SPPL2B: variants seen among roughly 807,000 people sequenced by gnomAD.
The protein encoded by SPPL2B is signal peptide peptidase-like 2B.
A neutral mutation model predicts 59.7 loss-of-function variants in SPPL2B; 39 were observed. The ratio of observed to expected loss-of-function variants is 0.65; its 90% CI spans 0.51 to 0.85. SPPL2B has a LOEUF of 0.85. Ranked by LOEUF, SPPL2B falls within the 40% of genes least tolerant of loss-of-function variation. The pLI, the probability that SPPL2B is intolerant of heterozygous loss-of-function variation, is 0.00. For missense variants in SPPL2B, 865 were observed against 849.0 expected, an observed-to-expected ratio of 1.02 and a Z score of -0.23; for synonymous variants, 419 against 370.8, an observed-to-expected ratio of 1.13 and a Z score of -1.49.
chr19:2,353,854 C>A lies in SPPL2B; in HGVS notation c.*645C>A. On this transcript the variant is annotated 3_prime_UTR_variant, in exon 15 of 15. Coordinates refer to ENST00000613503, the MANE Select transcript of SPPL2B (RefSeq NM_152988.3). ...ACAAGCTGCTCCCCTGGCTAAGGCC[C>A]TGCCCTGCCCTCAGCCAGAGGTGCC... 1 of 152,932 alleles carries A rather than the reference C, an allele frequency of 6.5e-6. No individual in the cohort carries two copies. The highest frequency in any genetic ancestry group is 1.5e-5 in the Non-Finnish European group (1 of 68,462). 9.5% of individuals were successfully genotyped at this position (152,932 alleles called of 1,614,324 possible). A position where few individuals can be genotyped will look rare whatever the true frequency, so the allele number is the denominator to read the frequency against.
rs559931720 is a variant in SPPL2B at position 2,351,585 on chromosome 19, C to T, written c.1506C>T (p.Ser502=). Reference sequence around the variant, plus strand: ...AGCTGGGCGTGTTCTGGACGGGCAGCGGCTTTGCGGTGAATACCAGTTTGC... The same window carrying T: ...AGCTGGGCGTGTTCTGGACGGGCAGTGGCTTTGCGGTGAATACCAGTTTGC... ...RRELGVFWTG[S]GFAKVLPPSP... Residue 502 remains serine (S), a synonymous_variant, in exon 14 of 15, where the codon AGC becomes AGT. Coordinates refer to ENST00000613503, the MANE Select transcript of SPPL2B (RefSeq NM_152988.3). The T allele has an allele frequency of 1.2e-5, 19 of 1,608,924 alleles. No homozygotes were observed. The highest frequency in any genetic ancestry group is 6.7e-5 in the East Asian group (3 of 44,794).
At chr19:2,340,502 G>T in intron 7 of SPPL2B, 1 of 604,390 alleles carries the variant, frequency 1.7e-6, no homozygotes, top group Non-Finnish European at 3.0e-6. Flanking sequence ...GCTTGGCCTG[G>T]CTCTTAGGGG....
intron 2 of SPPL2B, among the ~76,000 whole-genome samples, chr19:2,335,217 C>T (rs1480230440): frequency 7.1e-6 from 1 of 140,242 alleles, no homozygotes; most frequent in East Asian, 2.1e-4. Flanking sequence ...GCCTCCTTTC[C>T]ACTGCATCCT....
chr19:2,334,838 C>T, intron 2 of SPPL2B, 117 bp downstream of exon 2: 1 of 1,337,542 alleles, frequency 7.5e-7, no homozygotes, highest in East Asian at 2.7e-5. Flanking sequence ...AGGCCCTGAC[C>T]AGGTCTGGGG....
chr19:2,352,235 A>G lies in SPPL2B; in HGVS notation c.1515+641A>G, dbSNP rs1039568949. 5.9e-5 allele frequency among the ~76,000 whole-genome samples: 9 copies of G among 152,196 alleles called. No homozygotes were observed. In the South Asian group the frequency reaches 1.0e-3, roughly 18 times the overall value. On this transcript the variant is annotated intron_variant, in intron 14 of 14. Transcript: ENST00000613503. ...GTGACTTCCTGGGTTCCCGGGACTC[A>G]GGCGCATTGCGCCCGAGAGCTGCCC...
intron 13 of SPPL2B, among the ~76,000 whole-genome samples, chr19:2,349,754 T>G (rs28794827): frequency 1.3e-4 from 15 of 117,142 alleles, no homozygotes; most frequent in Admixed American, 1.2e-3. Flanking sequence ...TCCACACACA[T>G]GCGCTCTCAT....
intron 13 of SPPL2B, among the ~76,000 whole-genome samples, chr19:2,351,007 C>T (rs751026955): frequency 7.2e-5 from 11 of 152,228 alleles, no homozygotes; most frequent in East Asian, 1.9e-4. Context: ...TTTATATGCC[C>T]ACAGCTCAGT....
In SPPL2B at chr19:2,337,605, A is replaced by G. The variant is rs1399385243; in HGVS notation, c.349A>G (p.Ile117Val). 13 of 1,588,678 alleles carry G rather than the reference A, an allele frequency of 8.2e-6. No homozygotes were observed. Among genetic ancestry groups the G allele is most frequent in the Non-Finnish European group, 1.1e-5 (13 of 1,165,612 alleles). Reference sequence around the variant, plus strand: ...GGGCAGCGGAGCACGCGGGCTGCTCATCGTCAGCAGGGAGAGGCTGGTACG... The same window carrying G: ...GGGCAGCGGAGCACGCGGGCTGCTCGTCGTCAGCAGGGAGAGGCTGGTACG... Reference protein sequence around the residue: ...AQGSGARGLLIVSRERLVPPG... With the variant: ...AQGSGARGLLVVSRERLVPPG... Residue 117 changes from isoleucine to valine, a missense_variant, in exon 3 of 15, where the codon ATC (isoleucine) becomes GTC (valine). Transcript: ENST00000613503.
intron 8 of SPPL2B, chr19:2,341,624 TC>T (rs1324390628): frequency 2.2e-6 from 1 of 455,878 alleles, no homozygotes; most frequent in Non-Finnish European, 4.4e-6. Context: ...ATCTGGCACT[TC>T]CTCCCAGCCT....
Position 2,345,341 on chromosome 19 carries a change from C to T in SPPL2B, c.1354+11C>T, listed in dbSNP as rs372431871. The T allele has an allele frequency of 9.3e-6, 15 of 1,611,706 alleles. No homozygotes were observed. The highest frequency in any genetic ancestry group is 8.9e-5 in the East Asian group (4 of 44,862). Reference sequence around the variant, plus strand: ...TGGCCTGCACCATCGGTAAGTGCCTCGGTTGGGCCCGTGCTGGCCTCTCTG... The same window carrying T: ...TGGCCTGCACCATCGGTAAGTGCCTTGGTTGGGCCCGTGCTGGCCTCTCTG... On this transcript the variant is annotated intron_variant, in intron 13 of 14. Transcript: ENST00000613503.
Position 2,340,913 on chromosome 19 carries a change from C to T in SPPL2B, c.855C>T (p.Ser285=). Residue 285 remains serine, a synonymous_variant, in exon 8 of 15, where the codon AGC becomes AGT. Coordinates refer to ENST00000613503, the MANE Select transcript of SPPL2B (RefSeq NM_152988.3). ...PFGKCRIPNN[S]LPYFHKRPQA... Reference sequence around the variant, plus strand: ...TGCCCCCCAGGATCCCCAACAACAGCCTGCCCTACTTCCACAAGCGCCCGC... The same window carrying T: ...TGCCCCCCAGGATCCCCAACAACAGTCTGCCCTACTTCCACAAGCGCCCGC... The T allele has an allele frequency of 6.3e-7, 1 of 1,595,106 alleles. No individual in the cohort carries two copies.
At chr19:2,329,140 C>G (rs1800953098) in intron 1 of SPPL2B, among the ~76,000 whole-genome samples, 1 of 152,258 alleles carries the variant, frequency 6.6e-6, no homozygotes, top group Non-Finnish European at 1.5e-5. Flanking sequence ...CTGCCCACCC[C>G]TCTCCGAGCC....
At chr19:2,334,539 C>A in intron 1 of SPPL2B, 63 bp from the exon 2 acceptor site, 1 of 1,544,784 alleles carries the variant, frequency 6.5e-7, no homozygotes, top group East Asian at 2.4e-5. Context: ...GCCTGTTTCT[C>A]GTGGGGCGGT....
At position 2,353,384 on chromosome 19, in the gene SPPL2B, C is replaced by A; in HGVS notation, c.*175C>A. On this transcript the variant is annotated 3_prime_UTR_variant, in exon 15 of 15. Coordinates refer to ENST00000613503, the MANE Select transcript of SPPL2B (RefSeq NM_152988.3). ...GAGACCCCTGCGGTCTGTGCCCGCG[C>A]CCAGCCCAGCTGCCCCGGCTGCACG... is the stretch of plus-strand genomic sequence containing the variant. The A allele has an allele frequency of 1.3e-6, 1 of 763,676 alleles. No homozygotes were observed. Among genetic ancestry groups the A allele is most frequent in the Non-Finnish European group, 2.0e-6 (1 of 495,848 alleles). The allele number at this position is 763,676 out of a possible 1,614,324, so 47.3% of individuals were successfully genotyped here.
rs1968869338 is a variant in SPPL2B at position 2,339,271 on chromosome 19, G to A, written c.599+63G>A. On this transcript the variant is annotated intron_variant, in intron 5 of 14. Transcript: ENST00000613503. ...GGCGGCTCTGACACGGGCCGGGACG[G>A]CCAGTCTTCCAGAACAGCAGTGAGT... is the stretch of plus-strand genomic sequence containing the variant. 2.6e-6 allele frequency: 4 copies of A among 1,548,276 alleles called. No homozygotes were observed. The Admixed American group carries it at 7.6e-5, about 30-fold the overall frequency.
At chr19:2,338,862 A>T (rs1968819700) in intron 4 of SPPL2B, 21 bp downstream of exon 4, 1 of 1,609,020 alleles carries the variant, frequency 6.2e-7, no homozygotes, top group South Asian at 1.1e-5. Context: ...GCCGGCTCAG[A>T]CCCACGCTCC....
chr19:2,349,959 G>A (rs1318186263), intron 13 of SPPL2B, among the ~76,000 whole-genome samples: 3 of 127,652 alleles, frequency 2.4e-5, no homozygotes, highest in African/African-American at 6.3e-5. Context: ...GCTTGATTCT[G>A]TTCTCTCTCT....
In SPPL2B at chr19:2,335,817, C is replaced by T. The variant is rs139299811; in HGVS notation, c.186+1096C>T. Among the ~76,000 whole-genome samples the T allele has an allele frequency of 1.8e-3, 276 of 152,330 alleles. 2 individuals carry two copies. Among genetic ancestry groups the T allele is most frequent in the African/African-American group, 6.4e-3 (267 of 41,572 alleles). On this transcript the variant is annotated intron_variant, in intron 2 of 14. Transcript: ENST00000613503. ...TCCTGGAGCCCTCGAGGTGTGCCGG[C>T]GAAGAGGCACTAGCATCTTCCTGTC... is the stretch of plus-strand genomic sequence containing the variant.
At position 2,353,175 on chromosome 19, in the gene SPPL2B, C is replaced by T. The variant is rs61744698; in HGVS notation, c.1745C>T (p.Pro582Leu). ...AESEGRDQAQ[P>L]SPVTQPGASA ...TCCGAGGGCCGGGACCAGGCCCAGC[C>T]GTCCCCGGTAACCCAGCCTGGCGCC... The change falls in exon 15 of 15, where the codon CCG becomes CTG. Residue 582 changes from proline to leucine, a missense_variant. Pro to Leu is a moderately conservative substitution (Grantham distance 98). Transcript: ENST00000613503. The T allele has an allele frequency of 4.8e-4, 764 of 1,607,720 alleles. 3 individuals carry two copies. In the African/African-American group the frequency reaches 6.8e-3, roughly 14 times the overall value.
Sources: allele counts gnomAD v4.1 joint callset (sites outside exome capture counted in the v4.1 genomes callset), GRCh38; gene constraint gnomAD v4.1.1; transcripts MANE v1.5; gene names NCBI Gene and HGNC (gene_info 2026-07-23, HGNC 2026-07-21).